MRPS28: variants seen among roughly 807,000 people sequenced by gnomAD.
The protein encoded by MRPS28 is mitochondrial ribosomal protein S28.
MRPS28 carries 7 observed loss-of-function variants against 10.8 expected under a neutral mutation model. The observed-to-expected ratio is 0.65, with a 90% CI of 0.37 to 1.22. The LOEUF (loss-of-function observed/expected upper bound fraction) is 1.22, where lower values mean the gene tolerates loss of function less well. Ranked by LOEUF, MRPS28 falls within the 50% of genes most tolerant of loss-of-function variation. The pLI, the probability that MRPS28 is intolerant of heterozygous loss-of-function variation, is 0.02. For missense variants in MRPS28, 265 were observed against 232.9 expected, an observed-to-expected ratio of 1.14 and a Z score of -0.90; for synonymous variants, 121 against 93.3, an observed-to-expected ratio of 1.30 and a Z score of -1.71.
At chr8:79,937,571 C>A (rs1806635909) in intron 2 of MRPS28, among the ~76,000 whole-genome samples, 1 of 152,072 alleles carries the variant, frequency 6.6e-6, no homozygotes, top group Non-Finnish European at 1.5e-5. Flanking sequence ...ACAATATAAA[C>A]AACAAATAAC....
chr8:79,986,316 T>C (rs1380728931), intron 2 of MRPS28, among the ~76,000 whole-genome samples: 1 of 152,206 alleles, frequency 6.6e-6, no homozygotes, highest in African/African-American at 2.4e-5. Context: ...ACAGTCAATA[T>C]CATACTGAAT....
chr8:79,956,896 A>G (rs578248089), intron 2 of MRPS28: 1 of 152,298 alleles, frequency 6.6e-6, no homozygotes, highest in Non-Finnish European at 1.5e-5. Flanking sequence ...AGATTAATTA[A>G]CACATGAACA....
intron 2 of MRPS28, chr8:79,958,062 T>G (rs551885731): frequency 4.3e-6 from 1 of 233,008 alleles, no homozygotes; most frequent in African/African-American, 2.2e-5. Context: ...ATTCAGTGAC[T>G]TTGAATATAT....
intron 1 of MRPS28, among the ~76,000 whole-genome samples, chr8:80,022,954 A>C (rs550666454): frequency 2.0e-4 from 30 of 152,362 alleles, no homozygotes; most frequent in African/African-American, 7.0e-4. Flanking sequence ...AACAAAATAC[A>C]TACAGAACAT....
In MRPS28 at chr8:79,946,882, T is replaced by C. The variant is rs75164341; in HGVS notation, c.396-27734A>G. 3.2e-4 allele frequency among the ~76,000 whole-genome samples: 48 copies of C among 152,190 alleles called. No homozygotes were observed. The East Asian group carries it at 4.6e-3, about 15-fold the overall frequency. On this transcript the variant is annotated intron_variant, in intron 2 of 2. Coordinates refer to ENST00000276585, the MANE Select transcript of MRPS28 (RefSeq NM_014018.3). ...GCCTAAGTATTAAAAATCAGCTTAA[T>C]AGACAAAAAAGAAAATCAGTAACTT...
At chr8:79,985,543 A>T (rs1177738476) in intron 2 of MRPS28, among the ~76,000 whole-genome samples, 1 of 152,198 alleles carries the variant, frequency 6.6e-6, no homozygotes, top group Non-Finnish European at 1.5e-5. Context: ...GCTAATAAAG[A>T]AGAAAAGAGA....
intron 2 of MRPS28, among the ~76,000 whole-genome samples, chr8:79,943,985 C>T (rs1806836295): frequency 2.6e-5 from 4 of 152,130 alleles, no homozygotes; most frequent in Admixed American, 2.6e-4. Flanking sequence ...CCAGATTTGG[C>T]CACCGTAAGT....
chr8:79,941,304 ACAT>A (rs1270027150), intron 2 of MRPS28, among the ~76,000 whole-genome samples: 1 of 152,194 alleles, frequency 6.6e-6, no homozygotes, highest in African/African-American at 2.4e-5. Flanking sequence ...TGGTATTACA[ACAT>A]CTTGATCCAT....
chr8:79,937,438 G>A (rs1806631560), intron 2 of MRPS28, among the ~76,000 whole-genome samples: 1 of 152,148 alleles, frequency 6.6e-6, no homozygotes, highest in Non-Finnish European at 1.5e-5. Flanking sequence ...GTTGTAGTAG[G>A]CAACCACAAA....
intron 2 of MRPS28, among the ~76,000 whole-genome samples, chr8:79,963,987 T>G (rs1198101787): frequency 1.3e-5 from 2 of 152,156 alleles, no homozygotes; most frequent in Non-Finnish European, 2.9e-5. Flanking sequence ...ATTAGTTTGA[T>G]ATTTATAGAG....
chr8:80,002,624 A>G (rs959251078), intron 2 of MRPS28, among the ~76,000 whole-genome samples: 3 of 152,358 alleles, frequency 2.0e-5, no homozygotes, highest in Middle Eastern at 3.4e-3. Flanking sequence ...ATGCAAAATA[A>G]TAAGAAAAGA....
intron 2 of MRPS28, among the ~76,000 whole-genome samples, chr8:79,949,568 C>T (rs765746018): frequency 3.3e-5 from 5 of 152,280 alleles, no homozygotes; most frequent in African/African-American, 4.8e-5. Flanking sequence ...AATCAAACTA[C>T]AAGAACTTGC....
At chr8:79,937,856 G>A (rs530015254) in intron 2 of MRPS28, among the ~76,000 whole-genome samples, 1 of 152,176 alleles carries the variant, frequency 6.6e-6, no homozygotes, top group African/African-American at 2.4e-5. Context: ...TCTATTAAGT[G>A]ACACCAGCTC....
chr8:79,931,936 T>A (rs1806472938), intron 2 of MRPS28, among the ~76,000 whole-genome samples: 1 of 152,192 alleles, frequency 6.6e-6, no homozygotes. Context: ...AAAGTGTGTC[T>A]CTAGGCCGTA....
chr8:80,005,963 A>C (rs1467398198), intron 1 of MRPS28, among the ~76,000 whole-genome samples: 2 of 152,242 alleles, frequency 1.3e-5, no homozygotes. Flanking sequence ...CACCCAATAC[A>C]GGAGCACCCA....
At chr8:79,944,599 G>C (rs559013917) in intron 2 of MRPS28, among the ~76,000 whole-genome samples, 8 of 152,132 alleles carry the variant, frequency 5.3e-5, no homozygotes, top group African/African-American at 1.4e-4. Flanking sequence ...CTAAGAGTAG[G>C]GCATAGCCAC....
At chr8:79,921,584 C>G (rs1354617617) in intron 2 of MRPS28, among the ~76,000 whole-genome samples, 3 of 151,448 alleles carry the variant, frequency 2.0e-5, no homozygotes, top group Admixed American at 6.6e-5. Context: ...TGATTTGGCT[C>G]TCTGTTATTG....
chr8:79,964,728 A>G (rs922102177), intron 2 of MRPS28, among the ~76,000 whole-genome samples: 1 of 152,148 alleles, frequency 6.6e-6, no homozygotes, highest in African/African-American at 2.4e-5. Context: ...AGGTAAAATA[A>G]GTGAATACAT....
intron 2 of MRPS28, among the ~76,000 whole-genome samples, chr8:79,995,735 A>C (rs1808485487): frequency 6.6e-6 from 1 of 152,184 alleles, no homozygotes; most frequent in Non-Finnish European, 1.5e-5. Context: ...AGCTGTCAGA[A>C]TACATGTTGA....
Sources: allele counts gnomAD v4.1 joint callset (sites outside exome capture counted in the v4.1 genomes callset), GRCh38; gene constraint gnomAD v4.1.1; transcripts MANE v1.5; gene names NCBI Gene and HGNC (gene_info 2026-07-23, HGNC 2026-07-21).